Variants in EFCAB13 observed in about 807,000 individuals in gnomAD.
The protein encoded by EFCAB13 is EF-hand calcium binding domain 13.
In EFCAB13, 91 loss-of-function variants were observed where a neutral mutation model predicts 110.2. The observed-to-expected ratio is 0.83, with a 90% CI of 0.70 to 0.98. The LOEUF (loss-of-function observed/expected upper bound fraction) is 0.98, where lower values mean the gene tolerates loss of function less well. Ranked by LOEUF, EFCAB13 falls within the 50% of genes least tolerant of loss-of-function variation. The pLI, the probability that EFCAB13 is intolerant of heterozygous loss-of-function variation, is 0.00. For missense variants in EFCAB13, 968 were observed against 1,119.4 expected (o/e 0.86, Z 1.93); for synonymous variants, 323 against 369.9 (o/e 0.87, Z 1.45).
At chr17:47,340,400 GGCAATCACTTGA>G (rs2065377173) in intron 5 of EFCAB13, among the ~76,000 whole-genome samples, 1 of 151,930 alleles carries the variant, frequency 6.6e-6, no homozygotes, top group Non-Finnish European at 1.5e-5. Flanking sequence ...GCTGAGGTGG[GGCAATCACTTGA>G]GCCTGGGAGT....
At chr17:47,409,614 C>T in intron 20 of EFCAB13, 33 bp from the exon 21 acceptor site, 1 of 1,557,956 alleles carries the variant, frequency 6.4e-7, no homozygotes. Context: ...GATGCCATTC[C>T]TCATTGTGTA....
At chr17:47,367,089 T>C (rs1237912098) in intron 10 of EFCAB13, among the ~76,000 whole-genome samples, 5 of 152,178 alleles carry the variant, frequency 3.3e-5, no homozygotes, top group Non-Finnish European at 7.4e-5. Context: ...CAAGTGCCAG[T>C]TACTGGGGAG....
rs1598769303 is a variant in EFCAB13 at position 47,432,220 on chromosome 17, A to G, written c.2638+2259A>G. Among the ~76,000 whole-genome samples, 3 of 152,072 alleles carry G rather than the reference A, an allele frequency of 2.0e-5. No homozygotes were observed. The East Asian group carries it at 5.8e-4, about 29-fold the overall frequency. ...AAGACCATCCTGGCTAACACAGTGAAACCCCGTCCCTACTAAAAATACAAA... is the reference window on the plus strand; with the variant it reads ...AAGACCATCCTGGCTAACACAGTGAGACCCCGTCCCTACTAAAAATACAAA... On this transcript the variant is annotated intron_variant, in intron 24 of 24. Transcript: ENST00000331493.
At chr17:47,417,975 A>G (rs1198295366) in intron 23 of EFCAB13, among the ~76,000 whole-genome samples, 3 of 152,160 alleles carry the variant, frequency 2.0e-5, no homozygotes, top group Non-Finnish European at 4.4e-5. Flanking sequence ...AGACCACTTC[A>G]ATGCCTTTGG....
intron 9 of EFCAB13, among the ~76,000 whole-genome samples, chr17:47,353,131 T>A (rs898506602): frequency 6.6e-6 from 1 of 152,060 alleles, no homozygotes; most frequent in African/African-American, 2.4e-5. Flanking sequence ...ATAGGAGTGG[T>A]GAAAGTAGGC....
chr17:47,376,454 T>A (rs1307457799), intron 12 of EFCAB13, among the ~76,000 whole-genome samples: 1 of 152,232 alleles, frequency 6.6e-6, no homozygotes, highest in East Asian at 1.9e-4. Context: ...ACCACAGCCA[T>A]ACTTAATGTT....
At chr17:47,392,977 A>G (rs1434010752) in intron 15 of EFCAB13, among the ~76,000 whole-genome samples, 1 of 152,236 alleles carries the variant, frequency 6.6e-6, no homozygotes. Context: ...TTACAAACCA[A>G]CAACTCAACA....
chr17:47,358,185 C>T (rs2065491689), intron 9 of EFCAB13, among the ~76,000 whole-genome samples: 1 of 152,090 alleles, frequency 6.6e-6, no homozygotes, highest in Non-Finnish European at 1.5e-5. Context: ...TATGCACATA[C>T]ATACATATAA....
chr17:47,411,130 A>G (rs1356001639), intron 21 of EFCAB13, among the ~76,000 whole-genome samples: 10 of 152,188 alleles, frequency 6.6e-5, no homozygotes, highest in Admixed American at 5.9e-4. Flanking sequence ...AATATTTACT[A>G]TGCTATTGTT....
chr17:47,416,124 T>C (rs956742617), intron 23 of EFCAB13, among the ~76,000 whole-genome samples: 3 of 152,176 alleles, frequency 2.0e-5, no homozygotes, highest in Non-Finnish European at 4.4e-5. Flanking sequence ...CTTTTAGAAT[T>C]GAGACATAAT....
At chr17:47,420,710 G>A (rs1292450775) in intron 23 of EFCAB13, among the ~76,000 whole-genome samples, 2 of 148,804 alleles carry the variant, frequency 1.3e-5, no homozygotes, top group African/African-American at 5.0e-5. Flanking sequence ...CCTCCGCCCG[G>A]CAGCCGCCCC....
chr17:47,400,987 T>C (rs2065775852), intron 17 of EFCAB13, among the ~76,000 whole-genome samples: 2 of 152,202 alleles, frequency 1.3e-5, no homozygotes, highest in South Asian at 2.1e-4. Context: ...AGGAATGGAA[T>C]GTACAAACAC....
chr17:47,375,565 C>T (rs142517409), intron 12 of EFCAB13, among the ~76,000 whole-genome samples: 13 of 151,966 alleles, frequency 8.6e-5, no homozygotes, highest in East Asian at 7.7e-4. Context: ...CAAGGATCTG[C>T]GATTACAGGC....
chr17:47,402,981 G>T (rs1477862229), intron 18 of EFCAB13, among the ~76,000 whole-genome samples: 1 of 152,180 alleles, frequency 6.6e-6, no homozygotes, highest in African/African-American at 2.4e-5. Flanking sequence ...TACTCAAGGT[G>T]GTTGTGCAAA....
At chr17:47,384,915 G>A (rs1255127515) in intron 14 of EFCAB13, among the ~76,000 whole-genome samples, 2 of 152,036 alleles carry the variant, frequency 1.3e-5, no homozygotes, top group Non-Finnish European at 2.9e-5. Flanking sequence ...GACTACAGGC[G>A]CCCACCACCA....
chr17:47,435,256 A>C (rs1905191002), intron 24 of EFCAB13, among the ~76,000 whole-genome samples: 1 of 152,106 alleles, frequency 6.6e-6, no homozygotes, highest in Non-Finnish European at 1.5e-5. Flanking sequence ...AAGATATACA[A>C]ATGGCCAACA....
intron 14 of EFCAB13, 78 bp downstream of exon 14, chr17:47,379,331 G>A: frequency 8.5e-7 from 1 of 1,177,430 alleles, no homozygotes; most frequent in African/African-American, 1.5e-5. Context: ...ACAGAACTGG[G>A]CTTGCTTTTG....
intron 13 of EFCAB13, among the ~76,000 whole-genome samples, chr17:47,378,859 T>G (rs1247011979): frequency 6.6e-6 from 1 of 152,192 alleles, no homozygotes; most frequent in Non-Finnish European, 1.5e-5. Flanking sequence ...TATATGGACA[T>G]CTTTCTTTTT....
intron 23 of EFCAB13, among the ~76,000 whole-genome samples, chr17:47,416,505 T>A (rs768171240): frequency 4.8e-4 from 73 of 152,154 alleles, no homozygotes; most frequent in Non-Finnish European, 8.2e-4. Flanking sequence ...GATGCTAAGG[T>A]TTGGGATATG....
Sources: allele counts gnomAD v4.1 joint callset (sites outside exome capture counted in the v4.1 genomes callset), GRCh38; gene constraint gnomAD v4.1.1; transcripts MANE v1.5; gene names NCBI Gene and HGNC (gene_info 2026-07-23, HGNC 2026-07-21).